ARL8A: variants seen among roughly 807,000 people sequenced by gnomAD.
ARL8A encodes the protein ADP-ribosylation factor-like protein 8A.
ARL8A carries 10 observed loss-of-function variants against 31.2 expected under a neutral mutation model. The ratio of observed to expected loss-of-function variants is 0.32; its 90% confidence interval spans 0.20 to 0.54. The LOEUF (loss-of-function observed/expected upper bound fraction) is 0.54, where lower values mean the gene tolerates loss of function less well. ARL8A is among the 20% of genes least tolerant of loss of function. The probability of loss-of-function intolerance (pLI) is 0.93; values close to 1 mark genes in which losing one functional copy is unlikely to be tolerated. For missense variants in ARL8A, 129 were observed against 242.8 expected, an observed-to-expected ratio of 0.53 and a Z score of 3.12; for synonymous variants, 70 against 86.9, an observed-to-expected ratio of 0.81 and a Z score of 1.08.
At chr1:202,142,621 A>G (rs1415124008) in intron 1 of ARL8A, among the ~76,000 whole-genome samples, 1 of 152,174 alleles carries the variant, frequency 6.6e-6, no homozygotes, top group Non-Finnish European at 1.5e-5. Flanking sequence ...TTTAAGATTA[A>G]AAAGGGGACC....
rs4989100 is a variant in ARL8A at position 202,144,707 on chromosome 1, T to A, written c.-135A>T. ...GTGCGGGCGGAGGCTCGAGCGCGGCTGCCGACGACTCGCTGCCCCGGAATC... is the reference window on the plus strand; with the variant it reads ...GTGCGGGCGGAGGCTCGAGCGCGGCAGCCGACGACTCGCTGCCCCGGAATC... On this transcript the variant is annotated 5_prime_UTR_variant, in exon 1 of 7. Transcript: ENST00000272217. The surrounding 1 kb of genome is among the most constrained non-coding windows in gnomAD (Gnocchi z 5.2). 3.2e-6 allele frequency: 3 copies of A among 947,952 alleles called. No homozygotes were observed. The highest frequency in any genetic ancestry group is 3.8e-6 in the Non-Finnish European group (3 of 783,472). The allele number at this position is 947,952 out of a possible 1,614,324, so 58.7% of individuals were successfully genotyped here.
Position 202,135,762 on chromosome 1 carries a change from G to A in ARL8A, c.317C>T (p.Ala106Val). 1 of 1,614,154 alleles carries A rather than the reference G, an allele frequency of 6.2e-7. No homozygotes were observed. The highest frequency in any genetic ancestry group is 8.5e-7 in the Non-Finnish European group (1 of 1,180,010). ...TAGGTTGTGGAGCTCGTTCTTAGAG[G>A]CCTCAATCTTCTCCTGGTCAGCAGC... ...VDAADQEKIE[A>V]SKNELHNLLD... Residue 106 changes from alanine (A) to valine (V), a missense_variant, in exon 4 of 7, where the codon GCC (alanine) becomes GTC (valine). Physicochemically the swap from Ala to Val is moderately conservative, Grantham distance 64. Coordinates refer to ENST00000272217, the MANE Select transcript of ARL8A (RefSeq NM_138795.4). The surrounding 1 kb of genome is among the most constrained non-coding windows in gnomAD (Gnocchi z 5.3).
Position 202,134,980 on chromosome 1 carries a change from T to C in ARL8A, c.511+170A>G, listed in dbSNP as rs960321316. Among the ~76,000 whole-genome samples, 4 of 152,202 alleles carry C rather than the reference T, an allele frequency of 2.6e-5. No homozygotes were observed. The highest frequency in any genetic ancestry group is 9.7e-5 in the African/African-American group (4 of 41,442). On this transcript the variant is annotated intron_variant, in intron 6 of 6. Coordinates refer to ENST00000272217, the MANE Select transcript of ARL8A (RefSeq NM_138795.4). The surrounding 1 kb of genome is among the most constrained non-coding windows in gnomAD (Gnocchi z 4.2). ...GATTTGCCCGAGATCACACAACCGC[T>C]TGGCGACAAGCTGGGATAGTGCCCA...
Position 202,135,938 on chromosome 1 carries a change from C to G in ARL8A, c.279-138G>C. 1 of 757,220 alleles carries G rather than the reference C, an allele frequency of 1.3e-6. No homozygotes were observed. The highest frequency in any genetic ancestry group is 1.6e-5 in the South Asian group (1 of 63,494). The allele number at this position is 757,220 out of a possible 1,614,324, so 46.9% of individuals were successfully genotyped here. Reference sequence around the variant, plus strand: ...CCTCGGGATCCATGGGCTACCTGGCCTGGCTCAAGGCAGGTGCTCCGCGGA... The same window carrying G: ...CCTCGGGATCCATGGGCTACCTGGCGTGGCTCAAGGCAGGTGCTCCGCGGA... On this transcript the variant is annotated intron_variant, in intron 3 of 6. Transcript: ENST00000272217. The surrounding 1 kb of genome is among the most constrained non-coding windows in gnomAD (Gnocchi z 5.3).
In ARL8A at chr1:202,135,266, G is replaced by T. The variant is rs755214681; in HGVS notation, c.441-46C>A. 2.5e-6 allele frequency: 4 copies of T among 1,575,122 alleles called. No homozygotes were observed. The highest frequency in any genetic ancestry group is 1.1e-5 in the South Asian group (1 of 90,316). ...GTCCGCTGAGGCTACGAACGTCCAGGGGGCCTGGGGCTAGGGGACAGCGGG... is the reference window on the plus strand; with the variant it reads ...GTCCGCTGAGGCTACGAACGTCCAGTGGGCCTGGGGCTAGGGGACAGCGGG... On this transcript the variant is annotated intron_variant, in intron 5 of 6. Coordinates refer to ENST00000272217, the MANE Select transcript of ARL8A (RefSeq NM_138795.4). This position sits in a 1 kb window ranked among gnomAD's most constrained non-coding sequence, Gnocchi z 5.3.
intron 3 of ARL8A, among the ~76,000 whole-genome samples, chr1:202,137,365 G>C (rs563719761): frequency 6.6e-6 from 1 of 152,006 alleles, no homozygotes; most frequent in Non-Finnish European, 1.5e-5. Flanking sequence ...GGCTGCGCGC[G>C]GTGGCTCATG....
rs757940733 is a variant in ARL8A at position 202,135,699 on chromosome 1, C to A, written c.372+8G>T. ...CCCTCCCCATCCCGCTCCCTCAGGT[C>A]TGCTGACCGGGATGCCCTGCAGCTG... On this transcript the variant is annotated splice_region_variant and intron_variant, in intron 4 of 6. Transcript: ENST00000272217. The surrounding 1 kb of genome is among the most constrained non-coding windows in gnomAD (Gnocchi z 5.3). The A allele has an allele frequency of 6.2e-7, 1 of 1,613,120 alleles. No homozygotes were observed. The highest frequency in any genetic ancestry group is 8.5e-7 in the Non-Finnish European group (1 of 1,179,108).
rs1654979950 is a variant in ARL8A at position 202,135,443 on chromosome 1, G to C, written c.440+16C>G. The C allele has an allele frequency of 3.7e-6, 6 of 1,612,350 alleles. No homozygotes were observed. The highest frequency in any genetic ancestry group is 5.1e-6 in the Non-Finnish European group (6 of 1,178,410). On this transcript the variant is annotated intron_variant, in intron 5 of 6. Transcript: ENST00000272217. This position sits in a 1 kb window ranked among gnomAD's most constrained non-coding sequence, Gnocchi z 5.3. The stretch of plus-strand genomic sequence containing the variant: ...AATTGGGAGAGCAGAAAGTAATATA[G>C]AGTCACCCAACTCACATTTTCTCAA...
chr1:202,144,055 G>A lies in ARL8A; in HGVS notation c.123+395C>T, dbSNP rs1655236177. ...CCCCGTCCCGTGACCCTCTACCCGC[G>A]GGACAGGAAGGCCCGTGCACTTTCG... On this transcript the variant is annotated intron_variant, in intron 1 of 6. Coordinates refer to ENST00000272217, the MANE Select transcript of ARL8A (RefSeq NM_138795.4). The surrounding 1 kb of genome is among the most constrained non-coding windows in gnomAD (Gnocchi z 5.2). 6.6e-6 allele frequency among the ~76,000 whole-genome samples: 1 copy of A among 152,162 alleles called. No homozygotes were observed. The highest frequency in any genetic ancestry group is 2.4e-5 in the African/African-American group (1 of 41,458).
rs1482924679 is a variant in ARL8A at position 202,133,551 on chromosome 1, CATTAA to C, written c.*911_*915del. The C allele has an allele frequency of 1.1e-4, 17 of 152,198 alleles. No individual in the cohort carries two copies. The highest frequency in any genetic ancestry group is 3.9e-4 in the African/African-American group (16 of 41,444). 9.4% of individuals were successfully genotyped at this position (152,198 alleles called of 1,614,324 possible). ...GGAAGAGGAACATCACTTTACAAAT[CATTAA>C]ATTAAACAAATAAACAAACAGAACC... is the stretch of plus-strand genomic sequence containing the variant. On this transcript the variant is annotated 3_prime_UTR_variant, in exon 7 of 7. Coordinates refer to ENST00000272217, the MANE Select transcript of ARL8A (RefSeq NM_138795.4).
At position 202,144,581 on chromosome 1, in the gene ARL8A, C is replaced by T; in HGVS notation, c.-9G>A. The T allele has an allele frequency of 7.1e-7, 1 of 1,410,182 alleles. No individual in the cohort carries two copies. Among genetic ancestry groups the T allele is most frequent in the East Asian group, 3.9e-5 (1 of 25,496 alleles). The allele number at this position is 1,410,182 out of a possible 1,614,324, so 87.4% of individuals were successfully genotyped here. A position where few individuals can be genotyped will look rare whatever the true frequency, so the allele number is the denominator to read the frequency against. ...TTGAACAAAGCGATCATGGTCGCTG[C>T]CGCCGGCCCCGCCCGGTGCCAGGTC... On this transcript the variant is annotated 5_prime_UTR_variant, in exon 1 of 7. Transcript: ENST00000272217. This position sits in a 1 kb window ranked among gnomAD's most constrained non-coding sequence, Gnocchi z 5.2.
At position 202,138,326 on chromosome 1, in the gene ARL8A, C is replaced by CAA. The variant is rs776306757; in HGVS notation, c.204+40_204+41dup. The CAA allele has an allele frequency of 4.0e-5, 60 of 1,504,292 alleles. No homozygotes were observed. The African/African-American group carries it at 6.7e-4, about 17-fold the overall frequency. The allele number at this position is 1,504,292 out of a possible 1,614,324, so 93.2% of individuals were successfully genotyped here. A position where few individuals can be genotyped will look rare whatever the true frequency, so the allele number is the denominator to read the frequency against. ...ACACACACACACACACACACACACA[C>CAA]AAAAACAGTCCTCTGCACCCCCCAA... is the stretch of plus-strand genomic sequence containing the variant. On this transcript the variant is annotated intron_variant, in intron 2 of 6. Coordinates refer to ENST00000272217, the MANE Select transcript of ARL8A (RefSeq NM_138795.4). This position sits in a 1 kb window ranked among gnomAD's most constrained non-coding sequence, Gnocchi z 4.4.
intron 1 of ARL8A, among the ~76,000 whole-genome samples, chr1:202,141,459 T>C (rs1008714988): frequency 2.0e-5 from 3 of 151,860 alleles, no homozygotes; most frequent in African/African-American, 7.3e-5. Context: ...CTGGCCAACA[T>C]GACGAAACCC....
In ARL8A at chr1:202,138,134, C is replaced by T. The variant is rs533122131; in HGVS notation, c.205-96G>A. The T allele has an allele frequency of 4.2e-6, 6 of 1,414,816 alleles. No individual in the cohort carries two copies. In the East Asian group the frequency reaches 1.2e-4, roughly 28 times the overall value. The allele number at this position is 1,414,816 out of a possible 1,614,324, so 87.6% of individuals were successfully genotyped here. A position where few individuals can be genotyped will look rare whatever the true frequency, so the allele number is the denominator to read the frequency against. ...CCCCCTCCTACCCTGCCCTACTCTC[C>T]TCTGCCTCCCCGGCTTCCTCTCCAG... On this transcript the variant is annotated intron_variant, in intron 2 of 6. Transcript: ENST00000272217. The surrounding 1 kb of genome is among the most constrained non-coding windows in gnomAD (Gnocchi z 4.4).
In ARL8A at chr1:202,134,995, G is replaced by A. The variant is rs1466291157; in HGVS notation, c.511+155C>T. ...ACACAACCGCTTGGCGACAAGCTGG[G>A]ATAGTGCCCAGAATCTGGGCCACCT... is the stretch of plus-strand genomic sequence containing the variant. On this transcript the variant is annotated intron_variant, in intron 6 of 6. Coordinates refer to ENST00000272217, the MANE Select transcript of ARL8A (RefSeq NM_138795.4). The surrounding 1 kb of genome is among the most constrained non-coding windows in gnomAD (Gnocchi z 4.2). 6.6e-6 allele frequency among the ~76,000 whole-genome samples: 1 copy of A among 152,188 alleles called. No individual in the cohort carries two copies. Among genetic ancestry groups the A allele is most frequent in the African/African-American group, 2.4e-5 (1 of 41,446 alleles).
In ARL8A at chr1:202,135,960, C is replaced by T. The variant is rs552450944; in HGVS notation, c.279-160G>A. On this transcript the variant is annotated intron_variant, in intron 3 of 6. Transcript: ENST00000272217. The surrounding 1 kb of genome is among the most constrained non-coding windows in gnomAD (Gnocchi z 5.3). ...GGCCTGGCTCAAGGCAGGTGCTCCGCGGATGTTTTCTGAGTCTATGGGAGT... is the reference window on the plus strand; with the variant it reads ...GGCCTGGCTCAAGGCAGGTGCTCCGTGGATGTTTTCTGAGTCTATGGGAGT... Among the ~76,000 whole-genome samples, 127 of 152,178 alleles carry T rather than the reference C, an allele frequency of 8.3e-4. 1 individual carries two copies. Among genetic ancestry groups the T allele is most frequent in the African/African-American group, 2.8e-3 (115 of 41,518 alleles).
intron 3 of ARL8A, 64 bp downstream of exon 3, chr1:202,137,901 G>C: frequency 1.3e-6 from 2 of 1,573,192 alleles, no homozygotes; most frequent in Non-Finnish European, 1.7e-6. Flanking sequence ...TGAGGTCCTC[G>C]AAGGTAGCAG....
Position 202,135,980 on chromosome 1 carries a change from G to A in ARL8A, c.279-180C>T, listed in dbSNP as rs1654994645. ...CTCCGCGGATGTTTTCTGAGTCTAT[G>A]GGAGTGAACAGCTGCAGGGACTCCT... On this transcript the variant is annotated intron_variant, in intron 3 of 6. Coordinates refer to ENST00000272217, the MANE Select transcript of ARL8A (RefSeq NM_138795.4). The surrounding 1 kb of genome is among the most constrained non-coding windows in gnomAD (Gnocchi z 5.3). 6.6e-6 allele frequency among the ~76,000 whole-genome samples: 1 copy of A among 152,162 alleles called. No individual in the cohort carries two copies. The highest frequency in any genetic ancestry group is 2.4e-5 in the African/African-American group (1 of 41,428).
chr1:202,144,325 G>T lies in ARL8A; in HGVS notation c.123+125C>A. The T allele has an allele frequency of 1.5e-6, 1 of 665,174 alleles. No homozygotes were observed. Among genetic ancestry groups the T allele is most frequent in the Non-Finnish European group, 1.9e-6 (1 of 536,562 alleles). The allele number at this position is 665,174 out of a possible 1,614,324, so 41.2% of individuals were successfully genotyped here. A position where few individuals can be genotyped will look rare whatever the true frequency, so the allele number is the denominator to read the frequency against. On this transcript the variant is annotated intron_variant, in intron 1 of 6. Coordinates refer to ENST00000272217, the MANE Select transcript of ARL8A (RefSeq NM_138795.4). This position sits in a 1 kb window ranked among gnomAD's most constrained non-coding sequence, Gnocchi z 5.2. ...AGCGCTCGGGGCCGGCTCCTCCCCC[G>T]CCCGGCGCCCGGCCGTGCCCGGCTA...
Sources: allele counts gnomAD v4.1 joint callset (sites outside exome capture counted in the v4.1 genomes callset), GRCh38; gene constraint gnomAD v4.1.1; non-coding constraint Gnocchi (gnomAD v3.1); transcripts MANE v1.5; gene names NCBI Gene and HGNC (gene_info 2026-07-23, HGNC 2026-07-21).